The following CNTLN variants were observed in gnomAD, a reference collection of about 807,000 sequenced individuals.
CNTLN encodes the protein centlein, centrosomal protein.
In CNTLN, 212 loss-of-function variants were observed where a neutral mutation model predicts 180.0. That is an observed-to-expected ratio of 1.18 (90% CI 1.05 to 1.32). The LOEUF (loss-of-function observed/expected upper bound fraction) is 1.32, where lower values mean the gene tolerates loss of function less well. Ranked by LOEUF, CNTLN falls within the 40% of genes most tolerant of loss-of-function variation. The probability of loss-of-function intolerance (pLI) is 0.00; values close to 1 mark genes in which losing one functional copy is unlikely to be tolerated. For missense variants in CNTLN, 2,095 were observed against 1,610.9 expected (o/e 1.30, Z -5.14); for synonymous variants, 722 against 563.1 (o/e 1.28, Z -3.99).
intron 2 of CNTLN, among the ~76,000 whole-genome samples, chr9:17,180,446 A>G (rs1384709732): frequency 6.7e-6 from 1 of 150,030 alleles, no homozygotes; most frequent in Non-Finnish European, 1.5e-5. Flanking sequence ...TATAATAGAA[A>G]CCTTTCTCTC....
intron 7 of CNTLN, among the ~76,000 whole-genome samples, chr9:17,305,319 TA>T (rs1331092166): frequency 6.6e-6 from 1 of 152,184 alleles, no homozygotes; most frequent in Admixed American, 6.5e-5. Context: ...GTTACATTTT[TA>T]TAGGCCAGAA....
intron 6 of CNTLN, among the ~76,000 whole-genome samples, chr9:17,279,517 A>G (rs1207739790): frequency 6.6e-6 from 1 of 152,098 alleles, no homozygotes; most frequent in African/African-American, 2.4e-5. Context: ...TTTTTCCAGG[A>G]GAACAGCCTA....
At chr9:17,199,553 G>C (rs1248051830) in intron 2 of CNTLN, among the ~76,000 whole-genome samples, 1 of 152,172 alleles carries the variant, frequency 6.6e-6, no homozygotes, top group East Asian at 1.9e-4. Context: ...GCATGAGATG[G>C]TATCTCATTT....
intron 5 of CNTLN, among the ~76,000 whole-genome samples, chr9:17,250,926 T>C (rs1826100090): frequency 6.6e-6 from 1 of 152,116 alleles, no homozygotes; most frequent in Admixed American, 6.6e-5. Flanking sequence ...TTTGCATTTC[T>C]TGTAGTGCAT....
At chr9:17,203,890 A>C (rs948519773) in intron 2 of CNTLN, among the ~76,000 whole-genome samples, 43 of 152,046 alleles carry the variant, frequency 2.8e-4, no homozygotes, top group Admixed American at 2.6e-3. Flanking sequence ...TCTTGTCTTC[A>C]CACTTTCTTT....
At chr9:17,364,308 C>T (rs1823630603) in intron 12 of CNTLN, among the ~76,000 whole-genome samples, 1 of 152,054 alleles carries the variant, frequency 6.6e-6, no homozygotes, top group South Asian at 2.1e-4. Context: ...CTACTGTTTT[C>T]CTTCCTTTAC....
At chr9:17,165,011 T>G (rs1563839671) in intron 2 of CNTLN, among the ~76,000 whole-genome samples, 1 of 151,504 alleles carries the variant, frequency 6.6e-6, no homozygotes, top group Non-Finnish European at 1.5e-5. Flanking sequence ...AATTTTTTTT[T>G]GTATTTTTAG....
At chr9:17,190,853 C>G (rs966154079) in intron 2 of CNTLN, among the ~76,000 whole-genome samples, 2 of 152,086 alleles carry the variant, frequency 1.3e-5, no homozygotes, top group African/African-American at 4.8e-5. Flanking sequence ...AGTTGAAAGA[C>G]TTTTTGGTAA....
At chr9:17,303,410 A>T (rs929583196) in intron 7 of CNTLN, among the ~76,000 whole-genome samples, 2 of 152,164 alleles carry the variant, frequency 1.3e-5, no homozygotes, top group African/African-American at 2.4e-5. Context: ...AGAGTATAGC[A>T]GTTACCTTTC....
In CNTLN at chr9:17,301,114, C is replaced by T. The variant is rs181081632; in HGVS notation, c.1146+2762C>T. ...ATGGTGTCATACCAGTAATACTTTG[C>T]TGAGAAGATAAGATATCAAAGAGAC... On this transcript the variant is annotated intron_variant, in intron 7 of 25. Transcript: ENST00000380647. 1,477 of 985,348 alleles carry T rather than the reference C, an allele frequency of 1.5e-3. 1 individual carries two copies. Among genetic ancestry groups the T allele is most frequent in the Admixed American group, 2.3e-3 (38 of 16,280 alleles). 61.0% of individuals were successfully genotyped at this position (985,348 alleles called of 1,614,324 possible).
chr9:17,182,500 A>G (rs572035296), intron 2 of CNTLN, among the ~76,000 whole-genome samples: 1 of 152,238 alleles, frequency 6.6e-6, no homozygotes, highest in East Asian at 1.9e-4. Flanking sequence ...GTTCTGAGGG[A>G]GGAATCAGGA....
At position 17,359,717 on chromosome 9, in the gene CNTLN, TAAAAATAC is replaced by T. The variant is rs1451243032; in HGVS notation, c.1887-6894_1887-6887del. ...TAACACGGTGAAACTCCGTCTATACTAAAAATACAAAAAAAAAAAAAAAAAAAAAAAAA... is the reference window on the plus strand; with the variant it reads ...TAACACGGTGAAACTCCGTCTATACTAAAAAAAAAAAAAAAAAAAAAAAAA... On this transcript the variant is annotated intron_variant, in intron 12 of 25. Transcript: ENST00000380647. Among the ~76,000 whole-genome samples the T allele has an allele frequency of 5.3e-3, 71 of 13,492 alleles. 4 individuals carry two copies. Among genetic ancestry groups the T allele is most frequent in the African/African-American group, 0.012 (61 of 5,288 alleles). 8.9% of individuals were successfully genotyped at this position (13,492 alleles called of 152,430 possible).
At chr9:17,321,329 C>G (rs1346004938) in intron 8 of CNTLN, among the ~76,000 whole-genome samples, 1 of 152,262 alleles carries the variant, frequency 6.6e-6, no homozygotes, top group East Asian at 1.9e-4. Flanking sequence ...CCTCTTTCTG[C>G]ATTAGCAGAT....
chr9:17,481,906 G>A (rs1363723102), intron 23 of CNTLN, among the ~76,000 whole-genome samples: 2 of 152,330 alleles, frequency 1.3e-5, no homozygotes, highest in Non-Finnish European at 2.9e-5. Flanking sequence ...GATGTTGTCT[G>A]CTGGCCTGTT....
intron 10 of CNTLN, among the ~76,000 whole-genome samples, chr9:17,334,910 T>TAAAA (rs71303378): frequency 1.6e-5 from 2 of 122,584 alleles, no homozygotes; most frequent in African/African-American, 3.1e-5. Flanking sequence ...AATCTAAAAT[T>TAAAA]AAAAAAAAAA....
At chr9:17,376,014 T>C (rs1824728818) in intron 13 of CNTLN, among the ~76,000 whole-genome samples, 1 of 152,238 alleles carries the variant, frequency 6.6e-6, no homozygotes, top group South Asian at 2.1e-4. Flanking sequence ...TACCCTTCAC[T>C]TGGCTTTTGT....
At position 17,366,680 on chromosome 9, in the gene CNTLN, A is replaced by G. The variant is rs753659043; in HGVS notation, c.1950A>G (p.Ile650Met). 36 of 1,588,552 alleles carry G rather than the reference A, an allele frequency of 2.3e-5. No individual in the cohort carries two copies. Among genetic ancestry groups the G allele is most frequent in the Non-Finnish European group, 3.0e-5 (35 of 1,162,964 alleles). Residue 650 changes from isoleucine (I) to methionine (M), a missense_variant, in exon 13 of 26, where the codon ATA becomes ATG. Transcript: ENST00000380647. ...ATATATCTATTGATAAGGCAGCAAT[A>G]CAAGAATTGAATAGATGTGTGGCAG... is the stretch of plus-strand genomic sequence containing the variant. The part of the protein sequence containing the change: ...KVHISIDKAA[I>M]QELNRCVAER...
At chr9:17,258,701 T>G (rs375076300) in intron 5 of CNTLN, among the ~76,000 whole-genome samples, 13 of 147,512 alleles carry the variant, frequency 8.8e-5, no homozygotes, top group East Asian at 2.0e-4. Flanking sequence ...TCCCTTGTAA[T>G]TTGGATTCCT....
Position 17,264,949 on chromosome 9 carries a change from A to G in CNTLN, c.850-8784A>G, listed in dbSNP as rs191125338. Among the ~76,000 whole-genome samples the G allele has an allele frequency of 2.9e-3, 419 of 145,810 alleles. 1 individual carries two copies. The highest frequency in any genetic ancestry group is 5.1e-3 in the African/African-American group (196 of 38,132). ...CTTAAGGAGATTTGGGGCTGAGACA[A>G]TGGGGTTTTCTAGATATAGAATCAT... On this transcript the variant is annotated intron_variant, in intron 5 of 25. Transcript: ENST00000380647.
Sources: gnomAD v4.1 joint callset for allele counts (sites outside exome capture counted in the v4.1 genomes callset) on GRCh38, gnomAD v4.1.1 for gene constraint, MANE v1.5 for transcripts, NCBI Gene and HGNC (gene_info 2026-07-23, HGNC 2026-07-21) for gene names.